Variants in SLC44A5 observed in about 807,000 individuals in gnomAD.
SLC44A5 encodes the protein solute carrier family 44 member 5.
SLC44A5 carries 57 observed loss-of-function variants against 101.8 expected under a neutral mutation model. That is an observed-to-expected ratio of 0.56 (90% confidence interval 0.45 to 0.70). The LOEUF (loss-of-function observed/expected upper bound fraction) is 0.70. Among genes scored for constraint, SLC44A5 ranks in the 30% least tolerant of loss-of-function variants. The probability of loss-of-function intolerance (pLI) is 0.00; values close to 1 mark genes in which losing one functional copy is unlikely to be tolerated. For synonymous variants in SLC44A5, 281 were observed against 290.9 expected (o/e 0.97, Z 0.35); for missense variants, 737 against 853.1 (o/e 0.86, Z 1.70).
intron 6 of SLC44A5, among the ~76,000 whole-genome samples, chr1:75,256,077 CAAT>C (rs1197132098): frequency 1.3e-5 from 2 of 151,974 alleles, no homozygotes; most frequent in Non-Finnish European, 2.9e-5. Flanking sequence ...ATATAGGAAA[CAAT>C]AAATTCACAT....
chr1:75,529,883 G>A (rs1251578119), intron 2 of SLC44A5, among the ~76,000 whole-genome samples: 10 of 152,148 alleles, frequency 6.6e-5, no homozygotes, highest in Non-Finnish European at 1.5e-4. Context: ...GCAAGGGCAG[G>A]AAATTCAACC....
At chr1:75,679,585 C>T in the SLC44A5 span, among the ~76,000 whole-genome samples, 2 of 145,772 alleles carry the variant, frequency 1.4e-5, no homozygotes, top group Non-Finnish European at 3.1e-5. Context: ...CACCACCAGG[C>T]CTGCCCTAAA....
the SLC44A5 span, among the ~76,000 whole-genome samples, chr1:75,680,989 C>T: frequency 6.7e-5 from 10 of 150,184 alleles, no homozygotes; most frequent in South Asian, 2.1e-4. Context: ...AACACCTCTA[C>T]GCAAATAAAC....
intron 2 of SLC44A5, among the ~76,000 whole-genome samples, chr1:75,403,533 C>T (rs1662642211): frequency 6.6e-6 from 1 of 152,162 alleles, no homozygotes; most frequent in East Asian, 1.9e-4. Context: ...CTGCAGCCTC[C>T]TCTGGTGATA....
intron 12 of SLC44A5, among the ~76,000 whole-genome samples, chr1:75,231,347 T>G (rs1647552418): frequency 1.3e-5 from 2 of 152,200 alleles, no homozygotes; most frequent in Admixed American, 1.3e-4. Flanking sequence ...TTCCTAAAGT[T>G]TATCAAAACA....
intron 3 of SLC44A5, among the ~76,000 whole-genome samples, chr1:75,344,314 T>G (rs1262521640): frequency 1.3e-5 from 2 of 152,186 alleles, no homozygotes; most frequent in African/African-American, 4.8e-5. Context: ...ACACAGTACT[T>G]CCATTTGCAT....
Position 75,611,051 on chromosome 1 carries a change from T to A in SLC44A5, c.-81A>T. On this transcript the variant is annotated 5_prime_UTR_variant, in exon 1 of 24. The change abolishes an upstream ATG in the 5' untranslated region. Coordinates refer to ENST00000370859, the MANE Select transcript of SLC44A5 (RefSeq NM_001130058.2). ...GCAGTATCACTCACCTCTTACTCCA[T>A]CATTTCTTCAATAACTCCATCAACA... 1 of 985,252 alleles carries A rather than the reference T, an allele frequency of 1.0e-6. No individual in the cohort carries two copies. Among genetic ancestry groups the A allele is most frequent in the Non-Finnish European group, 1.2e-6 (1 of 829,812 alleles). The allele number at this position is 985,252 out of a possible 1,614,324, so 61.0% of individuals were successfully genotyped here.
intron 5 of SLC44A5, among the ~76,000 whole-genome samples, chr1:75,280,502 A>AGTATATATAATATATAATTGTATATAT: frequency 8.2e-6 from 1 of 121,394 alleles, no homozygotes; most frequent in African/African-American, 3.1e-5. Flanking sequence ...TATTATATAT[A>AGTATATATAATATATAATTGTATATAT]TATATAAAAA....
chr1:75,334,787 A>G (rs1657313405), intron 4 of SLC44A5, among the ~76,000 whole-genome samples: 1 of 152,178 alleles, frequency 6.6e-6, no homozygotes, highest in African/African-American at 2.4e-5. Flanking sequence ...TAAAACACCT[A>G]TATAAAGGGG....
chr1:75,289,546 T>C (rs1194163341), intron 5 of SLC44A5, among the ~76,000 whole-genome samples: 1 of 152,110 alleles, frequency 6.6e-6, no homozygotes. Context: ...CAGAAGGTCA[T>C]AAAGCTCAAG....
intron 2 of SLC44A5, among the ~76,000 whole-genome samples, chr1:75,413,191 T>G (rs963731077): frequency 4.6e-5 from 7 of 152,148 alleles, no homozygotes; most frequent in Admixed American, 1.3e-4. Context: ...TTATCATAGG[T>G]GTATATAGAA....
At chr1:75,541,387 G>T in intron 2 of SLC44A5, 48 bp downstream of exon 2, 1 of 1,322,634 alleles carries the variant, frequency 7.6e-7, no homozygotes, top group Non-Finnish European at 1.1e-6. Flanking sequence ...AAGAATATTT[G>T]GCACAAAAGT....
chr1:75,602,608 G>A (rs900406945), intron 1 of SLC44A5, among the ~76,000 whole-genome samples: 1 of 152,018 alleles, frequency 6.6e-6, no homozygotes, highest in African/African-American at 2.4e-5. Flanking sequence ...GTAAAGCAAA[G>A]GTGTTAAATC....
At chr1:75,350,666 G>T (rs1033898666) in intron 3 of SLC44A5, among the ~76,000 whole-genome samples, 15 of 151,696 alleles carry the variant, frequency 9.9e-5, no homozygotes, top group African/African-American at 3.6e-4. Flanking sequence ...AGGCCAAGGC[G>T]GGAGGATCAC....
At chr1:75,491,051 C>A (rs1668400134) in intron 2 of SLC44A5, among the ~76,000 whole-genome samples, 1 of 152,184 alleles carries the variant, frequency 6.6e-6, no homozygotes, top group East Asian at 1.9e-4. Flanking sequence ...TTTACCACTC[C>A]AAAGTAAATA....
At chr1:75,587,857 A>G (rs997984061) in intron 1 of SLC44A5, among the ~76,000 whole-genome samples, 6 of 152,142 alleles carry the variant, frequency 3.9e-5, no homozygotes, top group Admixed American at 3.9e-4. Context: ...TGCAATCAAC[A>G]CAACCTCTTG....
At chr1:75,285,012 A>T (rs1217039508) in intron 5 of SLC44A5, among the ~76,000 whole-genome samples, 2 of 152,030 alleles carry the variant, frequency 1.3e-5, no homozygotes, top group African/African-American at 4.8e-5. Context: ...CATTAGGGTG[A>T]TACTGGCTTC....
intron 1 of SLC44A5, among the ~76,000 whole-genome samples, chr1:75,552,239 C>A (rs1671974364): frequency 1.3e-5 from 2 of 152,108 alleles, no homozygotes; most frequent in Admixed American, 6.6e-5. Context: ...CTCTTAGTGT[C>A]CTTTCCATCC....
intron 1 of SLC44A5, among the ~76,000 whole-genome samples, chr1:75,584,121 T>C (rs1393290155): frequency 6.6e-6 from 1 of 152,226 alleles, no homozygotes; most frequent in Non-Finnish European, 1.5e-5. Flanking sequence ...CCCAACTAAC[T>C]GGGGAGGAGA....
Sources: gnomAD v4.1 joint callset for allele counts (sites outside exome capture counted in the v4.1 genomes callset) on GRCh38, gnomAD v4.1.1 for gene constraint, MANE v1.5 for transcripts, NCBI Gene and HGNC (gene_info 2026-07-23, HGNC 2026-07-21) for gene names.